The following KREMEN1 variants were observed in gnomAD, a reference collection of about 807,000 sequenced individuals.
The protein encoded by KREMEN1 is kremen protein 1.
A neutral mutation model predicts 46.5 loss-of-function variants in KREMEN1; 30 were observed. The ratio of observed to expected loss-of-function variants is 0.65; its 90% CI spans 0.48 to 0.88. KREMEN1 has a LOEUF of 0.88. KREMEN1 is among the 40% of genes least tolerant of loss of function. The pLI is 0.00. For synonymous variants in KREMEN1, 214 were observed against 230.6 expected, an observed-to-expected ratio of 0.93 and a Z score of 0.65; for missense variants, 533 against 596.9, an observed-to-expected ratio of 0.89 and a Z score of 1.11.
At chr22:29,100,891 T>A (rs549656207) in intron 3 of KREMEN1, among the ~76,000 whole-genome samples, 14 of 152,254 alleles carry the variant, frequency 9.2e-5, no homozygotes, top group East Asian at 3.9e-4. Flanking sequence ...TTAGTTTTTT[T>A]AAAAAAGTTT....
At chr22:29,164,217 T>G (rs1569344335) in intron 9 of KREMEN1, among the ~76,000 whole-genome samples, 1 of 152,196 alleles carries the variant, frequency 6.6e-6, no homozygotes. Flanking sequence ...GACTATGGTG[T>G]GGGGGGCCTT....
At chr22:29,138,803 C>T (rs989596866) in intron 7 of KREMEN1, 21 bp downstream of exon 7, 3 of 1,614,128 alleles carry the variant, frequency 1.9e-6, no homozygotes, top group African/African-American at 2.7e-5. Flanking sequence ...CTGGGCGCCA[C>T]CCATGGGGGC....
chr22:29,108,643 A>G (rs2038097599), intron 3 of KREMEN1, among the ~76,000 whole-genome samples: 1 of 152,230 alleles, frequency 6.6e-6, no homozygotes, highest in African/African-American at 2.4e-5. Context: ...TTCCTAGAAT[A>G]TGTTATTCAT....
rs55845362 is a variant in KREMEN1, at chr22:29,120,161, A to T, written c.353-1196A>T. Among the ~76,000 whole-genome samples, 359 of 43,606 alleles carry T rather than the reference A, an allele frequency of 8.2e-3. 91 individuals carry two copies. Among genetic ancestry groups the T allele is most frequent in the East Asian group, 0.022 (16 of 724 alleles). The allele number at this position is 43,606 out of a possible 152,430, so 28.6% of individuals were successfully genotyped here. A position where few individuals can be genotyped will look rare whatever the true frequency, so the allele number is the denominator to read the frequency against. ...AACAGGGAGGAGGGAGAGGTGATGA[A>T]GGAAATGGAGGAGGGAGAGGTGATG... On this transcript the variant is annotated intron_variant, in intron 3 of 8. Transcript: ENST00000400335.
intron 1 of KREMEN1, among the ~76,000 whole-genome samples, chr22:29,091,755 C>G (rs1368030639): frequency 6.6e-6 from 1 of 152,110 alleles, no homozygotes; most frequent in Non-Finnish European, 1.5e-5. Context: ...CTCTTTCTCT[C>G]AGATCACATA....
intron 5 of KREMEN1, among the ~76,000 whole-genome samples, chr22:29,131,554 A>ATGTG (rs1459937525): frequency 3.8e-4 from 28 of 73,204 alleles, no homozygotes; most frequent in Admixed American, 3.2e-3. Flanking sequence ...ATATATATAT[A>ATGTG]TATATATGTG....
chr22:29,141,226 C>CAT (rs2038754966), intron 8 of KREMEN1, among the ~76,000 whole-genome samples: 1 of 148,628 alleles, frequency 6.7e-6, no homozygotes, highest in African/African-American at 2.5e-5. Flanking sequence ...ATAATGTCCT[C>CAT]GTGTGTGTGT....
intron 8 of KREMEN1, 44 bp downstream of exon 8, chr22:29,140,410 T>C: frequency 7.2e-7 from 1 of 1,390,292 alleles, no homozygotes; most frequent in Non-Finnish European, 1.0e-6. Context: ...AAGGGAAGGC[T>C]CAGAGTTCAT....
At chr22:29,100,825 A>G (rs956771005) in intron 3 of KREMEN1, among the ~76,000 whole-genome samples, 3 of 152,222 alleles carry the variant, frequency 2.0e-5, no homozygotes, top group Non-Finnish European at 4.4e-5. Flanking sequence ...GGTGGAAGAC[A>G]GTGATATTGA....
intron 9 of KREMEN1, among the ~76,000 whole-genome samples, chr22:29,163,547 T>G (rs996465167): frequency 5.3e-5 from 8 of 151,994 alleles, no homozygotes; most frequent in African/African-American, 1.7e-4. Context: ...CAGCTAATTT[T>G]TGTATTTTTA....
Position 29,144,538 on chromosome 22 carries a change from G to A in KREMEN1, c.*2426G>A, listed in dbSNP as rs964188960. The A allele has an allele frequency of 4.1e-6, 4 of 985,420 alleles. No individual in the cohort carries two copies. In the South Asian group the frequency reaches 1.9e-4, roughly 46 times the overall value. The allele number at this position is 985,420 out of a possible 1,614,324, so 61.0% of individuals were successfully genotyped here. On this transcript the variant is annotated 3_prime_UTR_variant, in exon 9 of 9. Coordinates refer to ENST00000400335, the MANE Select transcript of KREMEN1 (RefSeq NM_001039570.3). ...TCTCCAAGAGGCCTGTCACACAGGA[G>A]GACCGCTGGAAACATACCAACACGT...
rs771975669 is a variant in KREMEN1 at position 29,140,374 on chromosome 22, C to T, written c.1208+8C>T. On this transcript the variant is annotated splice_region_variant and intron_variant, in intron 8 of 8. Coordinates refer to ENST00000400335, the MANE Select transcript of KREMEN1 (RefSeq NM_001039570.3). Reference sequence around the variant, plus strand: ...TCTGCACGTCACATTCAAGTGAGTACAAGAGGGAGCTGCCCAATTCCAGGA... The same window carrying T: ...TCTGCACGTCACATTCAAGTGAGTATAAGAGGGAGCTGCCCAATTCCAGGA... 93 of 1,596,592 alleles carry T rather than the reference C, an allele frequency of 5.8e-5. No individual in the cohort carries two copies. The highest frequency in any genetic ancestry group is 1.0e-4 in the Admixed American group (6 of 59,922).
At chr22:29,141,162 T>C (rs973283481) in intron 8 of KREMEN1, among the ~76,000 whole-genome samples, 1 of 152,160 alleles carries the variant, frequency 6.6e-6, no homozygotes, top group East Asian at 1.9e-4. Flanking sequence ...TTTGGCCACA[T>C]TGGAACCCCT....
In KREMEN1 at chr22:29,143,291, G is replaced by A; in HGVS notation, c.*1179G>A. 2.0e-6 allele frequency: 2 copies of A among 985,478 alleles called. No homozygotes were observed. Among genetic ancestry groups the A allele is most frequent in the Non-Finnish European group, 2.4e-6 (2 of 829,948 alleles). 61.0% of individuals were successfully genotyped at this position (985,478 alleles called of 1,614,324 possible). Reference sequence around the variant, plus strand: ...GCCACTGAGCAGCTCATGGTCCTATGGAACCTGAGCCAGGCCTCAGTCTCT... The same window carrying A: ...GCCACTGAGCAGCTCATGGTCCTATAGAACCTGAGCCAGGCCTCAGTCTCT... On this transcript the variant is annotated 3_prime_UTR_variant, in exon 9 of 9. Transcript: ENST00000400335.
At position 29,073,800 on chromosome 22, in the gene KREMEN1, C is replaced by A. The variant is rs1041487124; in HGVS notation, c.97+573C>A. ...TGGGATCCCGTCCCCAAGTCCCCAG[C>A]GACCCCTCCCGGGCCGGGACGACCC... On this transcript the variant is annotated intron_variant, in intron 1 of 8. Transcript: ENST00000400335. This position sits in a 1 kb window ranked among gnomAD's most constrained non-coding sequence, Gnocchi z 4.4. Among the ~76,000 whole-genome samples the A allele has an allele frequency of 6.6e-6, 1 of 152,042 alleles. No individual in the cohort carries two copies. Among genetic ancestry groups the A allele is most frequent in the Non-Finnish European group, 1.5e-5 (1 of 67,956 alleles).
chr22:29,118,984 C>G (rs754099187), intron 3 of KREMEN1, among the ~76,000 whole-genome samples: 1 of 152,142 alleles, frequency 6.6e-6, no homozygotes, highest in Non-Finnish European at 1.5e-5. Context: ...ACAACCCTCT[C>G]CTCTGGTTTG....
intron 3 of KREMEN1, among the ~76,000 whole-genome samples, chr22:29,117,543 G>A (rs1030741682): frequency 2.0e-5 from 3 of 150,480 alleles, no homozygotes; most frequent in Non-Finnish European, 4.4e-5. Flanking sequence ...CTCCAGCCTG[G>A]GCAACAGAGC....
intron 1 of KREMEN1, among the ~76,000 whole-genome samples, chr22:29,087,390 A>C (rs187220170): frequency 2.0e-4 from 30 of 152,330 alleles, no homozygotes; most frequent in African/African-American, 6.5e-4. Flanking sequence ...TCTACCAGAA[A>C]ACCAAGAATA....
intron 1 of KREMEN1, among the ~76,000 whole-genome samples, chr22:29,074,406 C>T (rs2037533082): frequency 6.6e-6 from 1 of 152,272 alleles, no homozygotes; most frequent in Non-Finnish European, 1.5e-5. Context: ...ACAGGTCACT[C>T]ACTACCCAGG....
Sources: gnomAD v4.1 joint callset for allele counts (sites outside exome capture counted in the v4.1 genomes callset) on GRCh38, gnomAD v4.1.1 for gene constraint, Gnocchi (gnomAD v3.1) non-coding constraint, MANE v1.5 for transcripts, NCBI Gene and HGNC (gene_info 2026-07-23, HGNC 2026-07-21) for gene names.